The following ULK4 variants were observed in gnomAD, a reference collection of about 807,000 sequenced individuals.
The protein encoded by ULK4 is unc-51 like kinase 4.
Under a neutral mutation model 160.6 loss-of-function variants are expected in ULK4, and 133 were observed. The observed-to-expected ratio is 0.83, with a 90% CI of 0.72 to 0.96. ULK4 has a LOEUF of 0.96. Among genes scored for constraint, ULK4 ranks in the 40% least tolerant of loss-of-function variants. The pLI is 0.00. For synonymous variants in ULK4, 534 were observed against 539.8 expected (o/e 0.99, Z 0.15); for missense variants, 1,580 against 1,499.5 (o/e 1.05, Z -0.89).
intron 5 of ULK4, among the ~76,000 whole-genome samples, chr3:41,930,851 A>G (rs570849222): frequency 6.6e-5 from 10 of 152,234 alleles, no homozygotes; most frequent in Non-Finnish European, 1.3e-4. Context: ...AAATGCTGGC[A>G]AGGCTGTGGA....
intron 4 of ULK4, among the ~76,000 whole-genome samples, chr3:41,934,233 A>C (rs991718083): frequency 6.6e-6 from 1 of 152,214 alleles, no homozygotes; most frequent in African/African-American, 2.4e-5. Context: ...AGCTGCTTTC[A>C]GCACTACAAT....
chr3:41,466,359 T>C (rs976278088), intron 32 of ULK4, among the ~76,000 whole-genome samples: 2 of 152,292 alleles, frequency 1.3e-5, no homozygotes, highest in East Asian at 3.9e-4. Flanking sequence ...CAGATATTTC[T>C]AATGCCAGAC....
At chr3:41,373,603 A>G (rs2081418193) in intron 35 of ULK4, among the ~76,000 whole-genome samples, 1 of 152,212 alleles carries the variant, frequency 6.6e-6, no homozygotes, top group African/African-American at 2.4e-5. Flanking sequence ...ATAAAGACAC[A>G]ATGTACCAGA....
chr3:41,724,589 G>A (rs891552338), intron 22 of ULK4, among the ~76,000 whole-genome samples: 3 of 152,122 alleles, frequency 2.0e-5, no homozygotes, highest in African/African-American at 4.8e-5. Flanking sequence ...CGGGCGTGGT[G>A]GCAGGCGCCT....
chr3:41,518,329 G>C (rs2085818664), intron 32 of ULK4, among the ~76,000 whole-genome samples: 1 of 152,230 alleles, frequency 6.6e-6, no homozygotes, highest in South Asian at 2.1e-4. Flanking sequence ...GTTAATGCTG[G>C]ATCACTGCTC....
chr3:41,829,723 T>C (rs1376587144), intron 18 of ULK4, among the ~76,000 whole-genome samples: 1 of 151,834 alleles, frequency 6.6e-6, no homozygotes, highest in Non-Finnish European at 1.5e-5. Context: ...TCAACCATTG[T>C]GGAAGTCAGT....
chr3:41,781,338 A>G (rs2039834446), intron 21 of ULK4, among the ~76,000 whole-genome samples: 1 of 151,430 alleles, frequency 6.6e-6, no homozygotes, highest in Non-Finnish European at 1.5e-5. Context: ...AATGGCGTGA[A>G]CCCAGGAGGC....
At chr3:41,792,659 A>G (rs17062743) in intron 20 of ULK4, among the ~76,000 whole-genome samples, 8,410 of 152,268 alleles carry the variant, frequency 0.055, 425 homozygotes, top group East Asian at 0.16. Flanking sequence ...CTTCTTCAGA[A>G]TGCTGTGCAA....
At chr3:41,464,605 C>A (rs2083781044) in intron 32 of ULK4, among the ~76,000 whole-genome samples, 2 of 152,158 alleles carry the variant, frequency 1.3e-5, no homozygotes, top group Non-Finnish European at 2.9e-5. Context: ...CATGTACAGG[C>A]TATGAATCAG....
intron 17 of ULK4, among the ~76,000 whole-genome samples, chr3:41,843,439 C>T (rs778101253): frequency 3.9e-5 from 6 of 151,962 alleles, no homozygotes; most frequent in African/African-American, 1.2e-4. Context: ...GGCGGTGTGT[C>T]GGGAGTTTGT....
rs2039913187 is a variant in ULK4, at chr3:41,783,461, A to G, written c.2193+6200T>C. The stretch of plus-strand genomic sequence containing the variant: ...CTGAGACATAAGAATTGCTTGAACC[A>G]GGAGGCGAAGGTTGCAGTGAGCCGA... On this transcript the variant is annotated intron_variant, in intron 21 of 36. Coordinates refer to ENST00000301831, the MANE Select transcript of ULK4 (RefSeq NM_017886.4). Among the ~76,000 whole-genome samples the G allele has an allele frequency of 2.0e-5, 3 of 151,902 alleles. 1 individual carries two copies. Among genetic ancestry groups the G allele is most frequent in the Admixed American group, 2.0e-4 (3 of 15,250 alleles).
rs139028604 is a variant in ULK4, at chr3:41,377,246, C to T, written c.3678+20833G>A. 2.9e-3 allele frequency among the ~76,000 whole-genome samples: 443 copies of T among 152,228 alleles called. 2 individuals are homozygous for T. The highest frequency in any genetic ancestry group is 0.015 in the East Asian group (76 of 5,182). On this transcript the variant is annotated intron_variant, in intron 35 of 36. Transcript: ENST00000301831. ...ATTCAAGATGGATTAAAGACTTACA[C>T]GTTAGATCTAAAACCATAAAAACCC...
At chr3:41,839,795 A>G (rs1409501538) in intron 17 of ULK4, among the ~76,000 whole-genome samples, 3 of 152,154 alleles carry the variant, frequency 2.0e-5, no homozygotes, top group Admixed American at 2.0e-4. Flanking sequence ...TTGGCAATAA[A>G]CACATGGAAA....
chr3:41,723,807 A>T (rs975753559), intron 22 of ULK4, among the ~76,000 whole-genome samples: 1 of 152,278 alleles, frequency 6.6e-6, no homozygotes, highest in Admixed American at 6.5e-5. Context: ...CACAGTAAAT[A>T]CTGAAACTTC....
intron 34 of ULK4, among the ~76,000 whole-genome samples, chr3:41,433,727 A>G (rs2082966119): frequency 1.0e-5 from 1 of 98,186 alleles, no homozygotes; most frequent in South Asian, 3.2e-4. Context: ...AAAATCCCAA[A>G]CTTTTTTTTT....
intron 35 of ULK4, among the ~76,000 whole-genome samples, chr3:41,263,142 A>C (rs746749619): frequency 2.0e-5 from 3 of 152,100 alleles, no homozygotes; most frequent in Non-Finnish European, 4.4e-5. Flanking sequence ...CCTCACAAGA[A>C]AAAATACTTG....
At chr3:41,399,285 G>T (rs377485354) in intron 34 of ULK4, among the ~76,000 whole-genome samples, 36 of 152,210 alleles carry the variant, frequency 2.4e-4, no homozygotes, top group Middle Eastern at 3.4e-3. Flanking sequence ...GTGCTGATTG[G>T]CCATTTGCGT....
At chr3:41,429,701 G>GA (rs1184038612) in intron 34 of ULK4, among the ~76,000 whole-genome samples, 1 of 151,750 alleles carries the variant, frequency 6.6e-6, no homozygotes, top group Non-Finnish European at 1.5e-5. Flanking sequence ...AGAACACATG[G>GA]ACAATGGGAG....
chr3:41,795,836 G>A (rs896545781), intron 20 of ULK4, among the ~76,000 whole-genome samples: 3 of 152,224 alleles, frequency 2.0e-5, no homozygotes, highest in East Asian at 3.9e-4. Flanking sequence ...CCAGGTGAGA[G>A]ATGGCAGTGG....
Sources: allele counts gnomAD v4.1 joint callset (sites outside exome capture counted in the v4.1 genomes callset), GRCh38; gene constraint gnomAD v4.1.1; transcripts MANE v1.5; gene names NCBI Gene and HGNC (gene_info 2026-07-23, HGNC 2026-07-21).